FHL2: variants seen among roughly 807,000 people sequenced by gnomAD.
The protein encoded by FHL2 is four and a half LIM domains 2.
FHL2 carries 20 observed loss-of-function variants against 32.7 expected under a neutral mutation model. That is an observed-to-expected ratio of 0.61 (90% CI 0.43 to 0.89). The LOEUF is 0.89. Ranked by LOEUF, FHL2 falls within the 40% of genes least tolerant of loss-of-function variation. The pLI, the probability that FHL2 is intolerant of heterozygous loss-of-function variation, is 0.00. For synonymous variants in FHL2, 123 were observed against 128.1 expected, an observed-to-expected ratio of 0.96 and a Z score of 0.27; for missense variants, 311 against 358.6, an observed-to-expected ratio of 0.87 and a Z score of 1.07.
Position 105,367,554 on chromosome 2 carries a change from G to T in FHL2, c.501+16C>A, listed in dbSNP as rs767774355. 3 of 1,603,970 alleles carry T rather than the reference G, an allele frequency of 1.9e-6. No homozygotes were observed. In the Admixed American group the frequency reaches 5.0e-5, roughly 27 times the overall value. ...CCAGCCAGAACGTGCAAGGGCCAAG[G>T]GGGCATCTGAGATACCTTTTTGCAC... On this transcript the variant is annotated intron_variant, in intron 5 of 6. Transcript: ENST00000530340.
chr2:105,382,203 A>C (rs1187370825), intron 3 of FHL2, among the ~76,000 whole-genome samples: 1 of 152,200 alleles, frequency 6.6e-6, no homozygotes, highest in African/African-American at 2.4e-5. Flanking sequence ...TTGTGAAACA[A>C]CTTGAGCCTC....
intron 1 of FHL2, among the ~76,000 whole-genome samples, chr2:105,430,587 G>A (rs1684401770): frequency 6.6e-6 from 1 of 152,194 alleles, no homozygotes; most frequent in Non-Finnish European, 1.5e-5. Context: ...AGAATCGCTT[G>A]ACCCTGGGAG....
chr2:105,427,081 A>G (rs1176055489), intron 1 of FHL2, among the ~76,000 whole-genome samples: 2 of 152,194 alleles, frequency 1.3e-5, no homozygotes, highest in Non-Finnish European at 2.9e-5. Context: ...TTGGCACTGT[A>G]AGAATCCAGG....
At chr2:105,387,455 G>A (rs151093897) in intron 2 of FHL2, among the ~76,000 whole-genome samples, 4 of 152,274 alleles carry the variant, frequency 2.6e-5, no homozygotes, top group African/African-American at 4.8e-5. Context: ...TGCTCCCTGC[G>A]GGTAAGATCA....
In FHL2 at chr2:105,386,404, T is replaced by C. The variant is rs771616079; in HGVS notation, c.113A>G (p.Asn38Ser). Residue 38 changes from asparagine to serine, a missense_variant, in exon 3 of 7, where the codon AAC becomes AGC. Physicochemically the swap from Asn to Ser is conservative, Grantham distance 46. Transcript: ENST00000530340. ...CVVCFETLFA[N>S]TCEECGKPIG... ...GGGCTTCCCACACTCCTCGCAGGTG[T>C]TGGCGAACAGGGTCTCAAAGCACAC... 6.2e-7 allele frequency: 1 copy of C among 1,614,152 alleles called. No homozygotes were observed. Among genetic ancestry groups the C allele is most frequent in the Admixed American group, 1.7e-5 (1 of 60,026 alleles).
intron 3 of FHL2, among the ~76,000 whole-genome samples, chr2:105,384,981 G>A (rs899963751): frequency 6.6e-6 from 1 of 152,194 alleles, no homozygotes; most frequent in East Asian, 1.9e-4. Flanking sequence ...AAGTCGTCAG[G>A]TGCAGTGAGA....
chr2:105,386,275 G>T, intron 3 of FHL2, 86 bp downstream of exon 3: 1 of 1,484,782 alleles, frequency 6.7e-7, no homozygotes, highest in Non-Finnish European at 9.2e-7. Flanking sequence ...GACTTCAGTG[G>T]TGGATCAGGG....
chr2:105,390,320 C>G (rs1191451788), intron 2 of FHL2: 1 of 152,572 alleles, frequency 6.6e-6, no homozygotes, highest in African/African-American at 2.4e-5. Flanking sequence ...TTATGAATGT[C>G]ATCATGGTGA....
chr2:105,396,904 T>A, intron 1 of FHL2: 1 of 562,316 alleles, frequency 1.8e-6, no homozygotes, highest in South Asian at 2.3e-5. Flanking sequence ...GAGAGCCGCT[T>A]AGCGACTCAG....
chr2:105,398,794 C>T (rs890170938), intron 1 of FHL2, 48 bp downstream of exon 1: 1 of 1,368,042 alleles, frequency 7.3e-7, no homozygotes, highest in South Asian at 1.8e-5. Context: ...GGTTCGGGTC[C>T]CCTCTCCCAG....
At chr2:105,404,545 C>T (rs1298388378) in intron 1 of FHL2, among the ~76,000 whole-genome samples, 1 of 152,176 alleles carries the variant, frequency 6.6e-6, no homozygotes, top group Non-Finnish European at 1.5e-5. Context: ...GATGACTCTA[C>T]GGGCAGGGTA....
intron 5 of FHL2, among the ~76,000 whole-genome samples, chr2:105,366,285 G>T (rs917350720): frequency 1.3e-5 from 2 of 152,220 alleles, no homozygotes; most frequent in African/African-American, 4.8e-5. Flanking sequence ...CTTAGAAAAG[G>T]TGTGGGCAAG....
downstream of FHL2, chr2:105,359,710 A>G (rs2104473091): frequency 6.6e-6 from 1 of 152,240 alleles, no homozygotes; most frequent in Non-Finnish European, 1.5e-5. Flanking sequence ...TACTGTAATG[A>G]CTGTGTGTCT....
downstream of FHL2, chr2:105,359,779 G>A (rs189702879): frequency 6.6e-6 from 1 of 152,292 alleles, no homozygotes; most frequent in East Asian, 1.9e-4. Flanking sequence ...CCTCAGTTGC[G>A]AGGGTGTTGA....
chr2:105,384,451 G>C (rs1409115598), intron 3 of FHL2, among the ~76,000 whole-genome samples: 5 of 152,180 alleles, frequency 3.3e-5, no homozygotes, highest in Admixed American at 2.0e-4. Flanking sequence ...CGAGTGCAAG[G>C]GCTTGTATCT....
At chr2:105,373,133 C>T (rs546964192) in intron 4 of FHL2, among the ~76,000 whole-genome samples, 1 of 152,160 alleles carries the variant, frequency 6.6e-6, no homozygotes, top group Non-Finnish European at 1.5e-5. Context: ...TCACACCCTA[C>T]GAATGCTCAG....
intron 3 of FHL2, among the ~76,000 whole-genome samples, chr2:105,383,849 C>T (rs1400357556): frequency 6.6e-6 from 1 of 152,246 alleles, no homozygotes; most frequent in Admixed American, 6.5e-5. Flanking sequence ...CAAGGTCTCG[C>T]TTCAACTCAA....
intron 1 of FHL2, among the ~76,000 whole-genome samples, chr2:105,410,409 T>C (rs946531660): frequency 6.6e-6 from 1 of 152,106 alleles, no homozygotes; most frequent in Admixed American, 6.5e-5. Flanking sequence ...CTATTGGCAG[T>C]TGGAGAGGTG....
intron 1 of FHL2, among the ~76,000 whole-genome samples, chr2:105,431,914 G>A (rs752037934): frequency 8.5e-5 from 13 of 152,326 alleles, no homozygotes; most frequent in South Asian, 2.1e-4. Flanking sequence ...GGATCCTGCC[G>A]GAGCTCATCA....
Sources: gnomAD v4.1 joint callset for allele counts (sites outside exome capture counted in the v4.1 genomes callset) on GRCh38, gnomAD v4.1.1 for gene constraint, MANE v1.5 for transcripts, NCBI Gene and HGNC (gene_info 2026-07-23, HGNC 2026-07-21) for gene names.